HYCC2: variants seen among roughly 807,000 people sequenced by gnomAD.
HYCC2 encodes the protein hyccin PI4KA lipid kinase complex subunit 2, also known as hyccin 2.
At chr2:200,997,372 C>T in the HYCC2 span, 5 of 1,112,202 alleles carry the variant, frequency 4.5e-6, no homozygotes, top group African/African-American at 1.6e-5. Flanking sequence ...TAGAACAGTG[C>T]TTGGCTTAGA....
At chr2:201,046,051 T>G in the HYCC2 span, among the ~76,000 whole-genome samples, 3 of 152,140 alleles carry the variant, frequency 2.0e-5, no homozygotes, top group East Asian at 5.8e-4. Flanking sequence ...GCTTAAATAA[T>G]AAGTATCATA....
the HYCC2 span, among the ~76,000 whole-genome samples, chr2:201,055,830 G>A: frequency 6.6e-6 from 1 of 152,178 alleles, no homozygotes; most frequent in Non-Finnish European, 1.5e-5. Context: ...GGTGGCTGAT[G>A]TGGGAGGATC....
At chr2:201,031,799 C>T in the HYCC2 span, among the ~76,000 whole-genome samples, 2 of 152,100 alleles carry the variant, frequency 1.3e-5, no homozygotes, top group African/African-American at 4.8e-5. Context: ...ATTTTTTCTT[C>T]CAATTGTTCT....
chr2:201,017,225 GT>G, the HYCC2 span: 34,285 of 1,038,984 alleles, frequency 0.033, no homozygotes, highest in South Asian at 0.045. Flanking sequence ...TGTAACTGTT[GT>G]TTTTTTTTTT....
At chr2:200,976,778 CTTT>C in the HYCC2 span, 2 of 152,050 alleles carry the variant, frequency 1.3e-5, no homozygotes, top group Non-Finnish European at 2.9e-5. Context: ...ACTATAGAAC[CTTT>C]TTCAATCATA....
the HYCC2 span, among the ~76,000 whole-genome samples, chr2:201,052,898 C>G: frequency 6.6e-6 from 1 of 152,152 alleles, no homozygotes; most frequent in Non-Finnish European, 1.5e-5. Context: ...CAAACGAAAA[C>G]TGATCAGCAC....
the HYCC2 span, among the ~76,000 whole-genome samples, chr2:201,037,884 T>A: frequency 2.0e-5 from 3 of 152,034 alleles, no homozygotes; most frequent in Non-Finnish European, 4.4e-5. Context: ...AAGCCAAAAT[T>A]GACAAATGGG....
chr2:201,016,957 C>A, the HYCC2 span: 1 of 1,595,776 alleles, frequency 6.3e-7, no homozygotes. Flanking sequence ...TTAAAAAATA[C>A]TTAAAATTTC....
At chr2:201,007,489 G>C in the HYCC2 span, among the ~76,000 whole-genome samples, 1 of 152,164 alleles carries the variant, frequency 6.6e-6, no homozygotes, top group African/African-American at 2.4e-5. Flanking sequence ...AGTTTTTATT[G>C]AATGCATATT....
the HYCC2 span, among the ~76,000 whole-genome samples, chr2:201,054,944 C>T: frequency 6.6e-6 from 1 of 152,118 alleles, no homozygotes; most frequent in African/African-American, 2.4e-5. Flanking sequence ...GGATTACAGG[C>T]ATGAGCCACT....
At chr2:201,013,349 A>G in the HYCC2 span, among the ~76,000 whole-genome samples, 1 of 152,172 alleles carries the variant, frequency 6.6e-6, no homozygotes, top group Admixed American at 6.5e-5. Flanking sequence ...ACATGCCTGT[A>G]ATCCCAGCTA....
At chr2:201,042,716 C>G in the HYCC2 span, among the ~76,000 whole-genome samples, 1 of 151,036 alleles carries the variant, frequency 6.6e-6, no homozygotes, top group Non-Finnish European at 1.5e-5. Flanking sequence ...AGCCCCCGCC[C>G]GGCCAGCCGC....
chr2:201,018,148 T>A, the HYCC2 span, among the ~76,000 whole-genome samples: 1 of 152,160 alleles, frequency 6.6e-6, no homozygotes, highest in Non-Finnish European at 1.5e-5. Flanking sequence ...ACAATATGAC[T>A]TATGAGGAAC....
At chr2:201,031,078 G>A in the HYCC2 span, among the ~76,000 whole-genome samples, 35 of 152,030 alleles carry the variant, frequency 2.3e-4, no homozygotes, top group Non-Finnish European at 4.0e-4. Context: ...AAATTTTAAG[G>A]TTATAAGATA....
At chr2:201,006,151 G>A in the HYCC2 span, among the ~76,000 whole-genome samples, 9 of 145,466 alleles carry the variant, frequency 6.2e-5, no homozygotes, top group African/African-American at 1.0e-4. Flanking sequence ...TTTTTGAGAC[G>A]GAGTCTTGCT....
the HYCC2 span, among the ~76,000 whole-genome samples, chr2:201,038,460 A>G: frequency 6.6e-6 from 1 of 152,214 alleles, no homozygotes. Context: ...TTACTGCGGC[A>G]CTATTCACAA....
At chr2:201,069,738 C>CA in the HYCC2 span, among the ~76,000 whole-genome samples, 2,796 of 152,184 alleles carry the variant, frequency 0.018, 29 homozygotes, top group Middle Eastern at 0.034. Context: ...AGACAAAGAA[C>CA]AAAACACCAA....
At chr2:201,021,814 C>CA in the HYCC2 span, 1 of 307,134 alleles carries the variant, frequency 3.3e-6, no homozygotes, top group Non-Finnish European at 6.5e-6. Context: ...AACTCTTGAC[C>CA]ATATGGATAT....
the HYCC2 span, among the ~76,000 whole-genome samples, chr2:201,033,371 ATTTATTTTATTTTATTTTAT>A: frequency 9.7e-5 from 14 of 144,152 alleles, no homozygotes; most frequent in African/African-American, 2.3e-4. Flanking sequence ...TGCTTGGCTA[ATTTATTTTATTTTATTTTAT>A]TTTATTTTAT....
Sources: gnomAD v4.1 joint callset for allele counts (sites outside exome capture counted in the v4.1 genomes callset) on GRCh38, gnomAD v4.1.1 for gene constraint, MANE v1.5 for transcripts, NCBI Gene and HGNC (gene_info 2026-07-23, HGNC 2026-07-21) for gene names.